Variants in SYT2 observed in about 807,000 individuals in gnomAD.
SYT2 encodes the protein synaptotagmin 2.
Under a neutral mutation model 39.9 loss-of-function variants are expected in SYT2, and 15 were observed. The ratio of observed to expected loss-of-function variants is 0.38; its 90% CI spans 0.25 to 0.58. SYT2 has a LOEUF of 0.58. SYT2 is among the 20% of genes least tolerant of loss of function. The pLI, the probability that SYT2 is intolerant of heterozygous loss-of-function variation, is 0.70. For synonymous variants in SYT2, 181 were observed against 204.5 expected, an observed-to-expected ratio of 0.89 and a Z score of 0.98; for missense variants, 389 against 530.3, an observed-to-expected ratio of 0.73 and a Z score of 2.62.
At chr1:202,612,723 G>A (rs1690921022) in intron 1 of SYT2, among the ~76,000 whole-genome samples, 2 of 152,110 alleles carry the variant, frequency 1.3e-5, no homozygotes, top group Non-Finnish European at 2.9e-5. Flanking sequence ...ATTTCCATAT[G>A]AATTTTAGGA....
intron 1 of SYT2, among the ~76,000 whole-genome samples, chr1:202,642,740 C>T (rs944765707): frequency 2.6e-5 from 4 of 152,244 alleles, no homozygotes; most frequent in Non-Finnish European, 5.9e-5. Context: ...CAGGGGCTCC[C>T]CAGTGTCGCG....
At chr1:202,625,475 G>A (rs1490373291) in intron 1 of SYT2, among the ~76,000 whole-genome samples, 1 of 136,802 alleles carries the variant, frequency 7.3e-6, no homozygotes, top group Non-Finnish European at 1.6e-5. Context: ...GGGGAAGGGG[G>A]CAGGGGCAGG....
chr1:202,665,498 A>G (rs1279879719), intron 1 of SYT2, among the ~76,000 whole-genome samples: 1 of 152,202 alleles, frequency 6.6e-6, no homozygotes, highest in Non-Finnish European at 1.5e-5. Context: ...AACCAAGGGA[A>G]AAGTCTGTTT....
intron 1 of SYT2, among the ~76,000 whole-genome samples, chr1:202,656,377 C>A (rs1304717086): frequency 3.9e-5 from 6 of 152,184 alleles, no homozygotes; most frequent in African/African-American, 1.4e-4. Flanking sequence ...AGACTCAGAG[C>A]AGGAGTGGTG....
chr1:202,656,441 C>T (rs1692278300), intron 1 of SYT2, among the ~76,000 whole-genome samples: 1 of 152,178 alleles, frequency 6.6e-6, no homozygotes, highest in Non-Finnish European at 1.5e-5. Flanking sequence ...AAACTTGGAG[C>T]CAAGGATGGT....
chr1:202,639,908 T>G (rs1224699636), intron 1 of SYT2: 1 of 906,930 alleles, frequency 1.1e-6, no homozygotes, highest in Non-Finnish European at 1.3e-6. Flanking sequence ...ATTTGAGCCC[T>G]CTCTGTGATA....
chr1:202,625,246 G>T (rs1374527044), intron 1 of SYT2, among the ~76,000 whole-genome samples: 2 of 129,992 alleles, frequency 1.5e-5, no homozygotes, highest in African/African-American at 6.7e-5. Context: ...TGTGGTGTGT[G>T]TGTGGTGTGT....
At position 202,627,379 on chromosome 1, in the gene SYT2, C is replaced by A. The variant is rs1001488499; in HGVS notation, c.-17-21590G>T. 6 of 888,802 alleles carry A rather than the reference C, an allele frequency of 6.8e-6. No homozygotes were observed. In the African/African-American group the frequency reaches 7.3e-5, roughly 11 times the overall value. The allele number at this position is 888,802 out of a possible 1,614,324, so 55.1% of individuals were successfully genotyped here. A position where few individuals can be genotyped will look rare whatever the true frequency, so the allele number is the denominator to read the frequency against. On this transcript the variant is annotated intron_variant, in intron 1 of 8. Transcript: ENST00000367268. ...AGGTGGGGGATCTCACCAGGAACTG[C>A]CCCCCAACTCTGGCAACCTCCGTCC...
intron 1 of SYT2, among the ~76,000 whole-genome samples, chr1:202,608,729 G>C: frequency 6.6e-6 from 1 of 152,058 alleles, no homozygotes; most frequent in African/African-American, 2.4e-5. Flanking sequence ...AAGTTTTTGC[G>C]TGGACATATG....
At position 202,599,419 on chromosome 1, in the gene SYT2, A is replaced by G; in HGVS notation, c.920-68T>C. On this transcript the variant is annotated intron_variant, in intron 7 of 8. Coordinates refer to ENST00000367268, the MANE Select transcript of SYT2 (RefSeq NM_177402.5). The surrounding 1 kb of genome is among the most constrained non-coding windows in gnomAD (Gnocchi z 4.4). ...CCCCAGCCTTCCTGCCGAATGTACC[A>G]AGGCCTGCCCAGAGCATCGGTCAAG... is the stretch of plus-strand genomic sequence containing the variant. The G allele has an allele frequency of 6.6e-7, 1 of 1,521,050 alleles. No individual in the cohort carries two copies. The highest frequency in any genetic ancestry group is 8.8e-7 in the Non-Finnish European group (1 of 1,138,240). The allele number at this position is 1,521,050 out of a possible 1,614,324, so 94.2% of individuals were successfully genotyped here. A position where few individuals can be genotyped will look rare whatever the true frequency, so the allele number is the denominator to read the frequency against.
chr1:202,639,986 G>A (rs1342006053), intron 1 of SYT2: 1 of 284,362 alleles, frequency 3.5e-6, no homozygotes, highest in Non-Finnish European at 5.3e-6. Context: ...CCTATTCCAG[G>A]TTGGTAATAT....
At chr1:202,673,307 C>G (rs1261568539) in intron 1 of SYT2, among the ~76,000 whole-genome samples, 1 of 152,164 alleles carries the variant, frequency 6.6e-6, no homozygotes, top group African/African-American at 2.4e-5. Flanking sequence ...AGCGTTGGAA[C>G]ATGTAAGTTA....
chr1:202,641,443 C>G (rs1410301710), intron 1 of SYT2, among the ~76,000 whole-genome samples: 1 of 152,174 alleles, frequency 6.6e-6, no homozygotes, highest in Non-Finnish European at 1.5e-5. Context: ...CAAGAAAGGG[C>G]CTTGCCCAAG....
At chr1:202,598,575 C>T (rs1270625222) in intron 8 of SYT2, among the ~76,000 whole-genome samples, 1 of 150,794 alleles carries the variant, frequency 6.6e-6, no homozygotes, top group East Asian at 2.0e-4. Flanking sequence ...GAGACCAAGA[C>T]TCCATGATAA....
In SYT2 at chr1:202,594,727, C is replaced by CACACACACACA. The variant is rs55680589; in HGVS notation, c.*2029_*2030insTGTGTGTGTGT. 7 of 151,958 alleles carry CACACACACACA rather than the reference C, an allele frequency of 4.6e-5. No individual in the cohort carries two copies. Among genetic ancestry groups the CACACACACACA allele is most frequent in the Non-Finnish European group, 8.8e-5 (6 of 68,238 alleles). The allele number at this position is 151,958 out of a possible 1,614,324, so 9.4% of individuals were successfully genotyped here. A position where few individuals can be genotyped will look rare whatever the true frequency, so the allele number is the denominator to read the frequency against. ...ACACACACACACACACACACACACA[C>CACACACACACA]CAGTAAAAACATAACTTCCCATGTA... is the stretch of plus-strand genomic sequence containing the variant. On this transcript the variant is annotated 3_prime_UTR_variant, in exon 9 of 9. Coordinates refer to ENST00000367268, the MANE Select transcript of SYT2 (RefSeq NM_177402.5).
At chr1:202,655,893 C>A (rs189773744) in intron 1 of SYT2, among the ~76,000 whole-genome samples, 3 of 152,120 alleles carry the variant, frequency 2.0e-5, no homozygotes, top group Non-Finnish European at 2.9e-5. Flanking sequence ...GGTGATCATG[C>A]GCAAGGTGAC....
In SYT2 at chr1:202,602,615, C is replaced by G. The variant is rs1690549253; in HGVS notation, c.466-70G>C. ...TCCAATACCACAACTGGCCCCAGAC[C>G]CAGCACCCACCAATTCCGTCCCAGA... On this transcript the variant is annotated intron_variant, in intron 4 of 8. Coordinates refer to ENST00000367268, the MANE Select transcript of SYT2 (RefSeq NM_177402.5). The G allele has an allele frequency of 1.6e-5, 23 of 1,466,650 alleles. No individual in the cohort carries two copies. The South Asian group carries it at 2.9e-4, about 19-fold the overall frequency. The allele number at this position is 1,466,650 out of a possible 1,614,324, so 90.9% of individuals were successfully genotyped here.
At chr1:202,602,206 A>T (rs767031533) in intron 5 of SYT2, 149 bp from the exon 6 acceptor site, 1 of 420,408 alleles carries the variant, frequency 2.4e-6, no homozygotes, top group Non-Finnish European at 4.7e-6. Context: ...GCAGAGTGTG[A>T]GGGTGGGGTG....
intron 1 of SYT2, among the ~76,000 whole-genome samples, chr1:202,646,855 C>T (rs181734952): frequency 2.2e-3 from 332 of 152,256 alleles, no homozygotes; most frequent in South Asian, 3.9e-3. Flanking sequence ...CTCTCTCCTC[C>T]GCAGCCCCAC....
Sources: allele counts gnomAD v4.1 joint callset (sites outside exome capture counted in the v4.1 genomes callset), GRCh38; gene constraint gnomAD v4.1.1; non-coding constraint Gnocchi (gnomAD v3.1); transcripts MANE v1.5; gene names NCBI Gene and HGNC (gene_info 2026-07-23, HGNC 2026-07-21).